HECW2: variants seen among roughly 807,000 people sequenced by gnomAD.
HECW2 encodes HECT, C2 and WW domain containing E3 ubiquitin protein ligase 2, also known as E3 ubiquitin-protein ligase HECW2.
A neutral mutation model predicts 175.2 loss-of-function variants in HECW2; 61 were observed. The observed-to-expected ratio is 0.35, with a 90% CI of 0.28 to 0.43. The LOEUF (loss-of-function observed/expected upper bound fraction) is 0.43, where lower values mean the gene tolerates loss of function less well. Among genes scored for constraint, HECW2 ranks in the 20% least tolerant of loss-of-function variants. The pLI, the probability that HECW2 is intolerant of heterozygous loss-of-function variation, is 1.00. For synonymous variants in HECW2, 671 were observed against 731.0 expected, an observed-to-expected ratio of 0.92 and a Z score of 1.32; for missense variants, 1,524 against 2,000.5, an observed-to-expected ratio of 0.76 and a Z score of 4.54.
At chr2:196,368,875 CTCTT>C (rs1447230073) in intron 2 of HECW2, among the ~76,000 whole-genome samples, 1 of 152,058 alleles carries the variant, frequency 6.6e-6, no homozygotes, top group African/African-American at 2.4e-5. Flanking sequence ...AAAATTCCTT[CTCTT>C]TGTTTACTTG....
chr2:196,311,104 T>C (rs973464799), intron 10 of HECW2, among the ~76,000 whole-genome samples: 7 of 152,220 alleles, frequency 4.6e-5, no homozygotes, highest in Non-Finnish European at 8.8e-5. Context: ...ATTTTAGCCA[T>C]GACAGCTCCA....
rs1687457684 is a variant in HECW2 at position 196,215,851 on chromosome 2, A to T, written c.4607+14T>A. On this transcript the variant is annotated intron_variant, in intron 28 of 28. Transcript: ENST00000644978. ...AATGTTGTGACAGTAAAGAAATGTT[A>T]TTTTATATTTTACCTGGGAAGAGCA... The T allele has an allele frequency of 3.9e-6, 6 of 1,543,404 alleles. No individual in the cohort carries two copies. Among genetic ancestry groups the T allele is most frequent in the Admixed American group, 3.3e-5 (2 of 59,788 alleles).
chr2:196,535,869 G>C (rs1689002365), intron 1 of HECW2, among the ~76,000 whole-genome samples: 1 of 152,068 alleles, frequency 6.6e-6, no homozygotes, highest in African/African-American at 2.4e-5. Flanking sequence ...ATGATACATT[G>C]CCTGAGATGT....
chr2:196,479,669 A>G (rs2125369418), intron 1 of HECW2, among the ~76,000 whole-genome samples: 1 of 152,310 alleles, frequency 6.6e-6, no homozygotes. Flanking sequence ...TCCAAGGACA[A>G]ATTCAGGATC....
At chr2:196,458,065 T>C (rs1208225265) in intron 1 of HECW2, among the ~76,000 whole-genome samples, 1 of 151,736 alleles carries the variant, frequency 6.6e-6, no homozygotes. Context: ...AGCCCAGGAG[T>C]TCGAGACCAG....
chr2:196,467,494 T>C (rs1363195127), intron 1 of HECW2, among the ~76,000 whole-genome samples: 1 of 152,190 alleles, frequency 6.6e-6, no homozygotes, highest in Admixed American at 6.5e-5. Context: ...ACACGGAGGC[T>C]CAAGTCAATA....
chr2:196,246,612 G>A (rs1022289768), intron 19 of HECW2, among the ~76,000 whole-genome samples: 9 of 151,770 alleles, frequency 5.9e-5, no homozygotes, highest in African/African-American at 9.7e-5. Flanking sequence ...GGATGATCTC[G>A]ATCTCCTGAC....
At chr2:196,301,999 G>A (rs1035177379) in intron 13 of HECW2, among the ~76,000 whole-genome samples, 1 of 152,078 alleles carries the variant, frequency 6.6e-6, no homozygotes, top group Non-Finnish European at 1.5e-5. Flanking sequence ...TTTTTTTGTA[G>A]GGTTTTTATA....
intron 1 of HECW2, among the ~76,000 whole-genome samples, chr2:196,469,293 A>G (rs1697100145): frequency 6.6e-6 from 1 of 152,168 alleles, no homozygotes; most frequent in African/African-American, 2.4e-5. Context: ...CAGAAACAGA[A>G]CCAAGTTTCT....
chr2:196,433,016 C>T (rs1575536152), intron 2 of HECW2, 116 bp downstream of exon 2: 1 of 839,384 alleles, frequency 1.2e-6, no homozygotes, highest in South Asian at 1.8e-5. Context: ...CCAGAATCTG[C>T]TATGTGTATA....
At chr2:196,458,860 G>C (rs921176609) in intron 1 of HECW2, among the ~76,000 whole-genome samples, 4 of 151,292 alleles carry the variant, frequency 2.6e-5, no homozygotes, top group Non-Finnish European at 4.4e-5. Flanking sequence ...GTAAGACTCT[G>C]TCTCAACAAC....
Position 196,220,162 on chromosome 2 carries a change from T to TA in HECW2, c.4294-10dup. On this transcript the variant is annotated splice_polypyrimidine_tract_variant and intron_variant, in intron 25 of 28. Coordinates refer to ENST00000644978, the MANE Select transcript of HECW2 (RefSeq NM_001348768.2). ...AGCCTGGCATCCACCACCTGTGGAA[T>TA]AAAAAGAGTACAAGGCATGGCTTAG... 1 of 1,561,812 alleles carries TA rather than the reference T, an allele frequency of 6.4e-7. No individual in the cohort carries two copies. Among genetic ancestry groups the TA allele is most frequent in the Non-Finnish European group, 8.8e-7 (1 of 1,133,406 alleles).
intron 1 of HECW2, among the ~76,000 whole-genome samples, chr2:196,573,643 C>T (rs1235493947): frequency 1.3e-5 from 2 of 152,142 alleles, no homozygotes; most frequent in Admixed American, 1.3e-4. Context: ...TGGGAAAAGC[C>T]GTATCCCCAC....
chr2:196,547,446 G>T (rs942938466), intron 1 of HECW2, among the ~76,000 whole-genome samples: 2 of 152,140 alleles, frequency 1.3e-5, no homozygotes, highest in African/African-American at 4.8e-5. Flanking sequence ...CACCTAAAAG[G>T]GCAAAGTCAT....
chr2:196,254,933 C>A (rs534136374), intron 18 of HECW2, among the ~76,000 whole-genome samples: 62 of 148,858 alleles, frequency 4.2e-4, no homozygotes, highest in Non-Finnish European at 5.8e-4. Flanking sequence ...GGGTTCTCTT[C>A]TTTTAAAGGC....
intron 2 of HECW2, among the ~76,000 whole-genome samples, chr2:196,373,444 A>G (rs996584117): frequency 6.6e-6 from 1 of 152,362 alleles, no homozygotes; most frequent in Admixed American, 6.5e-5. Flanking sequence ...TCTTTGTAAA[A>G]GCAGATGGCA....
chr2:196,419,128 A>G (rs897813544), intron 2 of HECW2, among the ~76,000 whole-genome samples: 1 of 152,216 alleles, frequency 6.6e-6, no homozygotes, highest in Non-Finnish European at 1.5e-5. Context: ...TAAGAGTGCA[A>G]TGGAAGGAAG....
At chr2:196,437,814 G>A (rs974237872) in intron 1 of HECW2, among the ~76,000 whole-genome samples, 3 of 151,988 alleles carry the variant, frequency 2.0e-5, no homozygotes, top group Non-Finnish European at 2.9e-5. Context: ...AGAGAACTTC[G>A]AAGTCAAGGA....
chr2:196,247,929 G>A (rs1284162223), intron 19 of HECW2, among the ~76,000 whole-genome samples: 2 of 152,084 alleles, frequency 1.3e-5, no homozygotes, highest in Non-Finnish European at 2.9e-5. Flanking sequence ...CTCTTTCCTG[G>A]TTCACTTTCA....
Sources: allele counts gnomAD v4.1 joint callset (sites outside exome capture counted in the v4.1 genomes callset), GRCh38; gene constraint gnomAD v4.1.1; transcripts MANE v1.5; gene names NCBI Gene and HGNC (gene_info 2026-07-23, HGNC 2026-07-21).